AFF2: variants seen among roughly 807,000 people sequenced by gnomAD.
AFF2 encodes AF4/FMR2 family member 2.
In AFF2, 14 loss-of-function variants were observed where a neutral mutation model predicts 76.9. That is an observed-to-expected ratio of 0.18 (90% CI 0.12 to 0.28). The LOEUF is 0.28. Among genes scored for constraint, AFF2 ranks in the 10% least tolerant of loss-of-function variants. The pLI is 1.00. For synonymous variants in AFF2, 398 were observed against 366.7 expected, an observed-to-expected ratio of 1.09 and a Z score of -0.98; for missense variants, 868 against 1,001.1, an observed-to-expected ratio of 0.87 and a Z score of 1.79.
chrX:148,617,501 A>C (rs781795609), intron 1 of AFF2, among the ~76,000 whole-genome samples: 113 of 111,588 alleles, frequency 1.0e-3, no homozygotes, highest in African/African-American at 3.5e-3. Context: ...AGGTTGCAAA[A>C]ATTTTCTCCC....
At chrX:148,714,665 A>G (rs781885122) in intron 3 of AFF2, among the ~76,000 whole-genome samples, 2 of 111,438 alleles carry the variant, frequency 1.8e-5, no homozygotes, top group Admixed American at 1.9e-4. Flanking sequence ...ATTTACTGAG[A>G]ACCAAAATTT....
intron 1 of AFF2, among the ~76,000 whole-genome samples, chrX:148,615,199 A>G (rs1218198417): frequency 1.8e-5 from 2 of 111,592 alleles, no homozygotes; most frequent in African/African-American, 6.5e-5. Context: ...CCTAAGCAAA[A>G]CAAAGTGAAG....
At chrX:148,549,579 A>G (rs1048364704) in intron 1 of AFF2, among the ~76,000 whole-genome samples, 1 of 111,420 alleles carries the variant, frequency 9.0e-6, no homozygotes, top group Non-Finnish European at 1.9e-5. Context: ...CCCCAAATAC[A>G]TCATAATCCT....
At chrX:148,612,734 G>T (rs782199887) in intron 1 of AFF2, among the ~76,000 whole-genome samples, 1 of 111,838 alleles carries the variant, frequency 8.9e-6, no homozygotes, top group African/African-American at 3.2e-5. Flanking sequence ...TGATTAGTAC[G>T]AAAAGATAAC....
chrX:148,878,751 C>G (rs1475626175), intron 7 of AFF2, among the ~76,000 whole-genome samples: 6 of 111,986 alleles, frequency 5.4e-5, no homozygotes, highest in Non-Finnish European at 7.5e-5. Context: ...GAGTTATGGT[C>G]TTCTCTGGGG....
chrX:148,554,707 A>C (rs1304812459), intron 1 of AFF2, among the ~76,000 whole-genome samples: 1 of 112,784 alleles, frequency 8.9e-6, no homozygotes, highest in African/African-American at 3.2e-5. Flanking sequence ...CTTTAAGATT[A>C]GGGAGCATGC....
At chrX:148,951,353 T>TA (rs5904255) in intron 9 of AFF2, among the ~76,000 whole-genome samples, 3,586 of 111,647 alleles carry the variant, frequency 0.032, 73 homozygotes, top group Middle Eastern at 0.051. Context: ...CAGAAGTTGC[T>TA]AAAAAATTAT....
At chrX:148,670,846 T>C (rs2054414754) in intron 3 of AFF2, among the ~76,000 whole-genome samples, 1 of 112,273 alleles carries the variant, frequency 8.9e-6, no homozygotes, top group Non-Finnish European at 1.9e-5. Context: ...ACCATACTTT[T>C]CTTCCCTTGG....
At position 148,500,943 on chromosome X, in the gene AFF2, C is replaced by T; in HGVS notation, c.-155C>T. On this transcript the variant is annotated 5_prime_UTR_variant, in exon 1 of 21. Coordinates refer to ENST00000370460, the MANE Select transcript of AFF2 (RefSeq NM_002025.4). ...CACAGGACCAGACACCTCCAGCGCC[C>T]GCTGCTGCTGCCGATGCGGCCCGGA... 1 of 665,539 alleles carries T rather than the reference C, an allele frequency of 1.5e-6. No homozygotes were observed. The highest frequency in any genetic ancestry group is 2.1e-6 in the Non-Finnish European group (1 of 466,817). The allele number at this position is 665,539 out of a possible 1,213,427, so 54.8% of individuals were successfully genotyped here. A position where few individuals can be genotyped will look rare whatever the true frequency, so the allele number is the denominator to read the frequency against.
At position 148,997,206 on chromosome X, in the gene AFF2, T is replaced by C. The variant is rs2072612903; in HGVS notation, c.*5874T>C. On this transcript the variant is annotated 3_prime_UTR_variant, in exon 21 of 21. Transcript: ENST00000370460. ...AATAATCCAAACCAAAATAATTCTTTTTCCACCCAGTACGAAGAAAACTAA... is the reference window on the plus strand; with the variant it reads ...AATAATCCAAACCAAAATAATTCTTCTTCCACCCAGTACGAAGAAAACTAA... The C allele has an allele frequency of 8.9e-6, 1 of 111,894 alleles. No individual in the cohort carries two copies. The highest frequency in any genetic ancestry group is 3.3e-5 in the African/African-American group (1 of 30,682). 9.2% of individuals were successfully genotyped at this position (111,894 alleles called of 1,213,427 possible).
intron 3 of AFF2, among the ~76,000 whole-genome samples, chrX:148,777,074 T>C (rs1167526954): frequency 8.9e-6 from 1 of 112,286 alleles, no homozygotes; most frequent in Non-Finnish European, 1.9e-5. Context: ...TTTCTGCATA[T>C]GGCTAGCCAG....
In AFF2 at chrX:148,547,394, A is replaced by G. The variant is rs782697084; in HGVS notation, c.47+46250A>G. ...TACAGGAGAAACACGGAAACAAACA[A>G]AAGAATATCCAGGGAACTGTTTGCA... On this transcript the variant is annotated intron_variant, in intron 1 of 20. Transcript: ENST00000370460. 11 of 112,082 alleles carry G rather than the reference A, an allele frequency of 9.8e-5. No homozygotes were observed. In the East Asian group the frequency reaches 2.5e-3, roughly 26 times the overall value. 9.2% of individuals were successfully genotyped at this position (112,082 alleles called of 1,213,427 possible).
At chrX:148,687,258 A>G (rs5980576) in intron 3 of AFF2, among the ~76,000 whole-genome samples, 5,184 of 111,644 alleles carry the variant, frequency 0.046, 314 homozygotes, top group African/African-American at 0.16. Flanking sequence ...AACTATTAAA[A>G]CAATCTTGCC....
Position 148,662,052 on chromosome X carries a change from A to G in AFF2, c.325A>G (p.Lys109Glu). ...KNSVPQNPNN[K>E]NEPSFFPEQK... Reference sequence around the variant, plus strand: ...TTCTGTGCCCCAGAATCCCAACAACAAAAATGAACCAAGCTTTTTTCCAGA... The same window carrying G: ...TTCTGTGCCCCAGAATCCCAACAACGAAAATGAACCAAGCTTTTTTCCAGA... Residue 109 changes from lysine (K) to glutamate (E), a missense_variant, in exon 3 of 21, where the codon AAA becomes GAA. By Grantham distance (56) the Lys-to-Glu change is moderately conservative (BLOSUM62 1). Coordinates refer to ENST00000370460, the MANE Select transcript of AFF2 (RefSeq NM_002025.4). The G allele has an allele frequency of 1.7e-6, 2 of 1,211,082 alleles. No individual in the cohort carries two copies. Among genetic ancestry groups the G allele is most frequent in the Non-Finnish European group, 2.2e-6 (2 of 894,789 alleles).
chrX:148,626,608 C>T (rs2053929979), intron 1 of AFF2, among the ~76,000 whole-genome samples: 1 of 110,747 alleles, frequency 9.0e-6, no homozygotes, highest in African/African-American at 3.3e-5. Flanking sequence ...CAGGGCCACA[C>T]TAGCTCTGAA....
At chrX:148,614,622 T>C (rs1406922849) in intron 1 of AFF2, among the ~76,000 whole-genome samples, 1 of 106,683 alleles carries the variant, frequency 9.4e-6, no homozygotes, top group African/African-American at 3.4e-5. Flanking sequence ...CCTTCCTTCC[T>C]TTCTTTCTTT....
At chrX:148,736,794 A>C (rs782731751) in intron 3 of AFF2, among the ~76,000 whole-genome samples, 1 of 111,691 alleles carries the variant, frequency 9.0e-6, no homozygotes, top group African/African-American at 3.2e-5. Context: ...TTTTTGTATA[A>C]CGTGACAGAT....
intron 3 of AFF2, among the ~76,000 whole-genome samples, chrX:148,800,012 T>C (rs1377093401): frequency 2.7e-5 from 3 of 112,188 alleles, no homozygotes. Flanking sequence ...TTAAACCACA[T>C]GTAAGTGGGC....
chrX:148,584,908 G>A (rs1249478047), intron 1 of AFF2, among the ~76,000 whole-genome samples: 1 of 111,621 alleles, frequency 9.0e-6, no homozygotes, highest in East Asian at 2.8e-4. Context: ...AGAAACATGA[G>A]ATTTGGCTGC....
Sources: allele counts gnomAD v4.1 joint callset (sites outside exome capture counted in the v4.1 genomes callset), GRCh38; gene constraint gnomAD v4.1.1; transcripts MANE v1.5; gene names NCBI Gene and HGNC (gene_info 2026-07-23, HGNC 2026-07-21).